The following RABGAP1L variants were observed in gnomAD, a reference collection of about 807,000 sequenced individuals.
RABGAP1L encodes RAB GTPase activating protein 1 like.
A neutral mutation model predicts 137.7 loss-of-function variants in RABGAP1L; 63 were observed. That is an observed-to-expected ratio of 0.46 (90% confidence interval 0.37 to 0.56). The LOEUF is 0.56. Among genes scored for constraint, RABGAP1L ranks in the 20% least tolerant of loss-of-function variants. The probability of loss-of-function intolerance (pLI) is 0.00; values close to 1 mark genes in which losing one functional copy is unlikely to be tolerated. For missense variants in RABGAP1L, 1,095 were observed against 1,244.0 expected (o/e 0.88, Z 1.80); for synonymous variants, 431 against 433.7 (o/e 0.99, Z 0.08).
At chr1:174,803,333 G>A (rs904375582) in intron 18 of RABGAP1L, among the ~76,000 whole-genome samples, 1 of 152,192 alleles carries the variant, frequency 6.6e-6, no homozygotes, top group Non-Finnish European at 1.5e-5. Flanking sequence ...TCAGGTGCAA[G>A]CATGTCATTT....
chr1:174,915,990 G>C (rs1465495875), intron 19 of RABGAP1L, among the ~76,000 whole-genome samples: 2 of 151,272 alleles, frequency 1.3e-5, no homozygotes, highest in Non-Finnish European at 2.9e-5. Context: ...CCTAATCCAA[G>C]ACTGCAAAGA....
At chr1:174,597,264 AT>A (rs1670019101) in intron 13 of RABGAP1L, among the ~76,000 whole-genome samples, 1 of 152,052 alleles carries the variant, frequency 6.6e-6, no homozygotes, top group Non-Finnish European at 1.5e-5. Flanking sequence ...CTCCTCCATT[AT>A]TTTTTGGAAT....
rs1011620787 is a variant in RABGAP1L at position 174,231,414 on chromosome 1, A to G, written c.542+59A>G. ...TTAAGTCTTTTGGGTGGTGGTGAAG[A>G]TGTTATAGCATCATCAGGTGTAGAA... On this transcript the variant is annotated intron_variant, in intron 4 of 25. Transcript: ENST00000681986. The G allele has an allele frequency of 5.5e-6, 8 of 1,448,610 alleles. No homozygotes were observed. The African/African-American group carries it at 1.1e-4, about 20-fold the overall frequency. The allele number at this position is 1,448,610 out of a possible 1,614,324, so 89.7% of individuals were successfully genotyped here.
chr1:174,560,009 C>G (rs1667105880), intron 13 of RABGAP1L, among the ~76,000 whole-genome samples: 2 of 152,122 alleles, frequency 1.3e-5, no homozygotes, highest in African/African-American at 4.8e-5. Flanking sequence ...TTGGCACATG[C>G]CTGTAATCCC....
Position 174,275,940 on chromosome 1 carries a change from CTT to C in RABGAP1L, c.1156+8_1156+9del, listed in dbSNP as rs1157884447. ...TTAACGAGGAAACCCCAAAAGGTGA[CTT>C]TTCTTAAAAGATCCCTTATTGTTTG... On this transcript the variant is annotated splice_donor_region_variant and intron_variant, in intron 9 of 25. Coordinates refer to ENST00000681986, the MANE Select transcript of RABGAP1L (RefSeq NM_001366446.1). 1.9e-6 allele frequency: 3 copies of C among 1,604,324 alleles called. No individual in the cohort carries two copies. Among genetic ancestry groups the C allele is most frequent in the Non-Finnish European group, 2.6e-6 (3 of 1,173,052 alleles).
chr1:174,464,619 C>T (rs558134866), intron 13 of RABGAP1L, among the ~76,000 whole-genome samples: 83 of 151,674 alleles, frequency 5.5e-4, no homozygotes, highest in African/African-American at 1.8e-3. Flanking sequence ...ACTTTATAGC[C>T]CTGTCTGTTT....
chr1:174,378,508 GT>G (rs1685783963), intron 12 of RABGAP1L, among the ~76,000 whole-genome samples: 1 of 151,846 alleles, frequency 6.6e-6, no homozygotes, highest in Non-Finnish European at 1.5e-5. Flanking sequence ...TCTCATTGTG[GT>G]TTTGATTTGC....
intron 19 of RABGAP1L, among the ~76,000 whole-genome samples, chr1:174,818,868 T>A (rs1268261000): frequency 6.6e-6 from 1 of 150,724 alleles, no homozygotes; most frequent in Non-Finnish European, 1.5e-5. Flanking sequence ...AAAAAAAAAA[T>A]TAGCCAGGCA....
chr1:174,803,203 A>G (rs1279358668), intron 18 of RABGAP1L, among the ~76,000 whole-genome samples: 3 of 152,206 alleles, frequency 2.0e-5, no homozygotes, highest in African/African-American at 7.2e-5. Flanking sequence ...CTAGAACTCT[A>G]GGTTTCTTTA....
intron 14 of RABGAP1L, among the ~76,000 whole-genome samples, chr1:174,644,459 G>C (rs1190270548): frequency 9.9e-5 from 15 of 151,756 alleles, no homozygotes. Context: ...GACGCCTAAG[G>C]GTTTGATTAT....
chr1:174,777,994 G>A (rs1212765554), intron 18 of RABGAP1L, among the ~76,000 whole-genome samples: 1 of 152,106 alleles, frequency 6.6e-6, no homozygotes, highest in East Asian at 1.9e-4. Flanking sequence ...AAGAAATAAT[G>A]GCTGATATTT....
At chr1:174,772,274 C>T (rs963767305) in intron 18 of RABGAP1L, among the ~76,000 whole-genome samples, 1 of 151,652 alleles carries the variant, frequency 6.6e-6, no homozygotes. Flanking sequence ...GTATAATATA[C>T]GTAACATAAA....
intron 13 of RABGAP1L, among the ~76,000 whole-genome samples, chr1:174,553,102 A>C (rs1243231544): frequency 1.3e-5 from 2 of 152,012 alleles, no homozygotes; most frequent in Non-Finnish European, 2.9e-5. Flanking sequence ...AATTTGTTTA[A>C]GTTCTTTATA....
chr1:174,234,123 T>C (rs1448715401), intron 4 of RABGAP1L, among the ~76,000 whole-genome samples: 1 of 122,750 alleles, frequency 8.1e-6, no homozygotes, highest in Non-Finnish European at 1.6e-5. Flanking sequence ...GTTTGTTTTT[T>C]TCTTGTAAAT....
intron 19 of RABGAP1L, among the ~76,000 whole-genome samples, chr1:174,905,083 A>G (rs760816381): frequency 6.6e-6 from 1 of 152,210 alleles, no homozygotes; most frequent in Non-Finnish European, 1.5e-5. Context: ...CCTGGGCTTT[A>G]AGGTGCCACA....
At chr1:174,474,742 A>G (rs1391182374) in intron 13 of RABGAP1L, among the ~76,000 whole-genome samples, 1 of 152,122 alleles carries the variant, frequency 6.6e-6, no homozygotes, top group Non-Finnish European at 1.5e-5. Context: ...AGCTGGGACT[A>G]CAGGCGTGCG....
rs1380612967 is a variant in RABGAP1L at position 174,169,277 on chromosome 1, T to TGGCATGATCTTGGCTCACTGCAGC, written c.-34+9621_-34+9644dup. Reference sequence around the variant, plus strand: ...CTCTGTCGCCCAGGCTGGAGTGCAGTGGCATGATCTTGGCTCACTGCAGCC... The same window carrying TGGCATGATCTTGGCTCACTGCAGC: ...CTCTGTCGCCCAGGCTGGAGTGCAGTGGCATGATCTTGGCTCACTGCAGCGGCATGATCTTGGCTCACTGCAGCC... On this transcript the variant is annotated intron_variant, in intron 1 of 25. Transcript: ENST00000681986. Among the ~76,000 whole-genome samples, 7 of 152,128 alleles carry TGGCATGATCTTGGCTCACTGCAGC rather than the reference T, an allele frequency of 4.6e-5. No individual in the cohort carries two copies. The South Asian group carries it at 1.5e-3, about 32-fold the overall frequency.
chr1:174,745,607 A>T (rs1347902032), intron 17 of RABGAP1L, among the ~76,000 whole-genome samples: 2 of 152,212 alleles, frequency 1.3e-5, no homozygotes, highest in Non-Finnish European at 2.9e-5. Flanking sequence ...TCTGAGCTTC[A>T]GTTTAGCCAT....
chr1:174,327,982 C>CATATATATATAT (rs1558136090), intron 11 of RABGAP1L, among the ~76,000 whole-genome samples: 1 of 24,758 alleles, frequency 4.0e-5, no homozygotes, highest in African/African-American at 1.5e-4. Flanking sequence ...TATATATACA[C>CATATATATATAT]ACACATATAT....
Sources: allele counts gnomAD v4.1 joint callset (sites outside exome capture counted in the v4.1 genomes callset), GRCh38; gene constraint gnomAD v4.1.1; transcripts MANE v1.5; gene names NCBI Gene and HGNC (gene_info 2026-07-23, HGNC 2026-07-21).